MAN2A1: variants seen among roughly 807,000 people sequenced by gnomAD.
The protein encoded by MAN2A1 is mannosidase alpha class 2A member 1.
In MAN2A1, 76 loss-of-function variants were observed where a neutral mutation model predicts 142.6. That is an observed-to-expected ratio of 0.53 (90% CI 0.44 to 0.65). The LOEUF is 0.65. MAN2A1 is among the 30% of genes least tolerant of loss of function. The pLI is 0.00. For synonymous variants in MAN2A1, 559 were observed against 473.2 expected, an observed-to-expected ratio of 1.18 and a Z score of -2.35; for missense variants, 1,311 against 1,365.1, an observed-to-expected ratio of 0.96 and a Z score of 0.62.
At chr5:109,738,440 G>A (rs1240255341) in intron 4 of MAN2A1, among the ~76,000 whole-genome samples, 2 of 151,678 alleles carry the variant, frequency 1.3e-5, no homozygotes, top group South Asian at 2.1e-4. Flanking sequence ...AATTAATATT[G>A]TTATACTACC....
intron 12 of MAN2A1, among the ~76,000 whole-genome samples, chr5:109,798,392 C>T (rs1474746523): frequency 6.6e-6 from 1 of 152,196 alleles, no homozygotes; most frequent in Non-Finnish European, 1.5e-5. Flanking sequence ...GTTCTAGACC[C>T]ACTGGCCAAG....
At chr5:109,779,628 C>T (rs1292438935) in intron 8 of MAN2A1, among the ~76,000 whole-genome samples, 2 of 151,796 alleles carry the variant, frequency 1.3e-5, no homozygotes, top group Non-Finnish European at 2.9e-5. Context: ...AGTAATAATA[C>T]TCTTAGTGTT....
intron 12 of MAN2A1, among the ~76,000 whole-genome samples, chr5:109,797,148 G>C (rs1301438972): frequency 6.6e-6 from 1 of 152,142 alleles, no homozygotes; most frequent in Non-Finnish European, 1.5e-5. Context: ...TGTCATAGGA[G>C]AGCTGTGAAA....
chr5:109,804,558 C>G (rs976287311), intron 12 of MAN2A1, among the ~76,000 whole-genome samples: 3 of 151,982 alleles, frequency 2.0e-5, no homozygotes, highest in Non-Finnish European at 4.4e-5. Flanking sequence ...GATGTTTTCT[C>G]TAGTGTTTTG....
In MAN2A1 at chr5:109,822,143, G is replaced by GT. The variant is rs930264225; in HGVS notation, c.2452-1570dup. On this transcript the variant is annotated intron_variant, in intron 15 of 21. Transcript: ENST00000261483. ...GGTTTTTTGTTTGTTTTTGTTTTTG[G>GT]TTTTTTTTTTGGCTGTTTGGGGTTT... Among the ~76,000 whole-genome samples, 113 of 135,258 alleles carry GT rather than the reference G, an allele frequency of 8.4e-4. No individual in the cohort carries two copies. In the East Asian group the frequency reaches 0.01, roughly 12 times the overall value. 88.7% of individuals were successfully genotyped at this position (135,258 alleles called of 152,430 possible).
At chr5:109,702,315 T>TTGTGTG (rs34048618) in intron 1 of MAN2A1, among the ~76,000 whole-genome samples, 4,312 of 144,076 alleles carry the variant, frequency 0.03, 66 homozygotes, top group Middle Eastern at 0.039. Context: ...AGAACATAAA[T>TTGTGTG]TGTGTGTGTG....
chr5:109,815,098 A>C (rs142119097), intron 12 of MAN2A1, among the ~76,000 whole-genome samples: 2 of 152,316 alleles, frequency 1.3e-5, no homozygotes, highest in East Asian at 3.9e-4. Flanking sequence ...TTTGGTACAG[A>C]GAATGAGTGA....
chr5:109,723,233 C>T (rs1751654263), intron 3 of MAN2A1, among the ~76,000 whole-genome samples: 1 of 152,158 alleles, frequency 6.6e-6, no homozygotes, highest in Admixed American at 6.5e-5. Flanking sequence ...AAAATGATCT[C>T]TCTCAAATAT....
At chr5:109,755,250 A>C (rs895351672) in intron 4 of MAN2A1, 79 bp from the exon 5 acceptor site, 40 of 1,113,948 alleles carry the variant, frequency 3.6e-5, no homozygotes, top group Non-Finnish European at 5.2e-5. Context: ...GGCTGTTCTT[A>C]ATGTTTATGC....
chr5:109,710,616 T>C lies in MAN2A1; in HGVS notation c.136-2904T>C, dbSNP rs185508239. Among the ~76,000 whole-genome samples, 63 of 152,290 alleles carry C rather than the reference T, an allele frequency of 4.1e-4. 1 individual carries two copies. Among genetic ancestry groups the C allele is most frequent in the Middle Eastern group, 6.8e-3 (2 of 292 alleles). On this transcript the variant is annotated intron_variant, in intron 1 of 21. Transcript: ENST00000261483. Reference sequence around the variant, plus strand: ...GCTTCCCAGGTTCAAGCAATTCTTCTGCGTCAGCCTTCCGAGTATCTGGGA... The same window carrying C: ...GCTTCCCAGGTTCAAGCAATTCTTCCGCGTCAGCCTTCCGAGTATCTGGGA...
chr5:109,775,087 C>A (rs1189295152), intron 8 of MAN2A1, 122 bp downstream of exon 8: 3 of 650,308 alleles, frequency 4.6e-6, no homozygotes, highest in African/African-American at 3.8e-5. Flanking sequence ...ATATATAATT[C>A]TTGTGTAAAA....
intron 5 of MAN2A1, among the ~76,000 whole-genome samples, chr5:109,760,612 C>G (rs776818234): frequency 7.2e-5 from 11 of 152,162 alleles, no homozygotes; most frequent in Non-Finnish European, 1.3e-4. Flanking sequence ...AAAAGCATTC[C>G]TATTTCTCCA....
intron 16 of MAN2A1, among the ~76,000 whole-genome samples, chr5:109,838,062 A>G (rs1017976837): frequency 6.6e-6 from 1 of 151,658 alleles, no homozygotes; most frequent in Non-Finnish European, 1.5e-5. Flanking sequence ...GGGAGATTAA[A>G]AAAAAAAAAA....
Position 109,789,057 on chromosome 5 carries a change from T to C in MAN2A1, c.1875+9T>C. The C allele has an allele frequency of 1.5e-6, 2 of 1,353,296 alleles. No homozygotes were observed. Among genetic ancestry groups the C allele is most frequent in the South Asian group, 2.5e-5 (2 of 80,426 alleles). The allele number at this position is 1,353,296 out of a possible 1,614,324, so 83.8% of individuals were successfully genotyped here. ...ATACCTTCCTGGAGATGGTTAGTAA[T>C]TTCATCTATGGTCATCATAAAAATG... On this transcript the variant is annotated intron_variant, in intron 11 of 21. Coordinates refer to ENST00000261483, the MANE Select transcript of MAN2A1 (RefSeq NM_002372.4).
intron 3 of MAN2A1, among the ~76,000 whole-genome samples, chr5:109,728,770 C>G (rs2112582755): frequency 6.6e-6 from 1 of 152,252 alleles, no homozygotes; most frequent in East Asian, 1.9e-4. Context: ...CTTTTGGGAA[C>G]AAATGCCTGT....
chr5:109,779,443 A>G (rs572062161), intron 8 of MAN2A1, among the ~76,000 whole-genome samples: 6 of 152,176 alleles, frequency 3.9e-5, no homozygotes, highest in South Asian at 2.1e-4. Context: ...ATCGTAGACT[A>G]TTTTGTCACT....
intron 16 of MAN2A1, among the ~76,000 whole-genome samples, chr5:109,837,181 G>A (rs1755077733): frequency 1.3e-5 from 2 of 150,036 alleles, no homozygotes; most frequent in African/African-American, 4.9e-5. Flanking sequence ...GGTACAGTGG[G>A]GAGGAACTGC....
At chr5:109,827,538 G>A (rs1754788693) in intron 16 of MAN2A1, among the ~76,000 whole-genome samples, 1 of 152,190 alleles carries the variant, frequency 6.6e-6, no homozygotes, top group Non-Finnish European at 1.5e-5. Context: ...ACAGAGTTGA[G>A]AGGCCGTATA....
intron 20 of MAN2A1, chr5:109,864,466 C>T (rs1755831727): frequency 6.6e-6 from 1 of 152,150 alleles, no homozygotes. Flanking sequence ...ATACATCAAG[C>T]TGGTAAATGT....
Sources: gnomAD v4.1 joint callset for allele counts (sites outside exome capture counted in the v4.1 genomes callset) on GRCh38, gnomAD v4.1.1 for gene constraint, MANE v1.5 for transcripts, NCBI Gene and HGNC (gene_info 2026-07-23, HGNC 2026-07-21) for gene names.